MLXIP: variants seen among roughly 807,000 people sequenced by gnomAD.
The protein encoded by MLXIP is MLX interacting protein, also known as MLX-interacting protein.
MLXIP carries 30 observed loss-of-function variants against 87.2 expected under a neutral mutation model. That is an observed-to-expected ratio of 0.34 (90% confidence interval 0.26 to 0.47). The LOEUF is 0.47. Among genes scored for constraint, MLXIP ranks in the 20% least tolerant of loss-of-function variants. MLXIP has a pLI of 1.00. For missense variants in MLXIP, 1,002 were observed against 1,240.1 expected (o/e 0.81, Z 2.88); for synonymous variants, 530 against 514.0 (o/e 1.03, Z -0.42).
Position 122,137,289 on chromosome 12 carries a change from T to G in MLXIP, c.2033-180T>G. 1 of 588,754 alleles carries G rather than the reference T, an allele frequency of 1.7e-6. No individual in the cohort carries two copies. Among genetic ancestry groups the G allele is most frequent in the Non-Finnish European group, 2.7e-6 (1 of 365,178 alleles). The allele number at this position is 588,754 out of a possible 1,614,324, so 36.5% of individuals were successfully genotyped here. On this transcript the variant is annotated intron_variant, in intron 11 of 16. Transcript: ENST00000319080. This position sits in a 1 kb window ranked among gnomAD's most constrained non-coding sequence, Gnocchi z 4.1. ...GGGTGTTTTTGTTGTTGTTATTAATTTAAGATTTTCAGGGAGTGAATAAGA... is the reference window on the plus strand; with the variant it reads ...GGGTGTTTTTGTTGTTGTTATTAATGTAAGATTTTCAGGGAGTGAATAAGA...
intron 1 of MLXIP, among the ~76,000 whole-genome samples, chr12:122,083,914 A>T (rs1242908644): frequency 1.3e-5 from 2 of 152,220 alleles, no homozygotes; most frequent in South Asian, 2.1e-4. Flanking sequence ...CATACGGAAG[A>T]TAAGCAGTGT....
At position 122,129,576 on chromosome 12, in the gene MLXIP, C is replaced by G. The variant is rs1204360933; in HGVS notation, c.697-12C>G. On this transcript the variant is annotated splice_polypyrimidine_tract_variant and intron_variant, in intron 4 of 16. Transcript: ENST00000319080. ...CATTGGTGACCGCCGTGTCCTGTCC[C>G]TTTGCCCACAGCTACAGCAGCACAA... is the stretch of plus-strand genomic sequence containing the variant. 2 of 1,613,448 alleles carry G rather than the reference C, an allele frequency of 1.2e-6. No homozygotes were observed. Among genetic ancestry groups the G allele is most frequent in the East Asian group, 4.5e-5 (2 of 44,876 alleles).
chr12:122,085,910 G>C (rs1487193611), intron 1 of MLXIP, among the ~76,000 whole-genome samples: 1 of 152,186 alleles, frequency 6.6e-6, no homozygotes, highest in African/African-American at 2.4e-5. Context: ...TAAGGTTACA[G>C]ATGGAATCAA....
At chr12:122,079,302 G>A (rs1390726795) in intron 1 of MLXIP, 36 bp downstream of exon 1, 1 of 1,535,302 alleles carries the variant, frequency 6.5e-7, no homozygotes, top group Non-Finnish European at 8.8e-7. Context: ...GCCCCGGCCG[G>A]AGGCCCTTGT....
intron 15 of MLXIP, 167 bp downstream of exon 15, chr12:122,139,105 C>A: frequency 1.5e-6 from 1 of 678,406 alleles, no homozygotes; most frequent in Non-Finnish European, 1.8e-6. Context: ...TCCGGCCTGG[C>A]CTGCTGTGTG....
At chr12:122,111,084 A>AG (rs1952600638) in intron 1 of MLXIP, among the ~76,000 whole-genome samples, 1 of 151,800 alleles carries the variant, frequency 6.6e-6, no homozygotes, top group South Asian at 2.1e-4. Flanking sequence ...CTCAAAAAAA[A>AG]AAAAAAAAAA....
At chr12:122,086,042 C>A (rs1262870160) in intron 1 of MLXIP, among the ~76,000 whole-genome samples, 1 of 152,090 alleles carries the variant, frequency 6.6e-6, no homozygotes, top group African/African-American at 2.4e-5. Flanking sequence ...GAGTGAGCAG[C>A]AGAGGAAGGA....
At chr12:122,111,478 T>C (rs1417579327) in intron 1 of MLXIP, among the ~76,000 whole-genome samples, 1 of 152,210 alleles carries the variant, frequency 6.6e-6, no homozygotes, top group African/African-American at 2.4e-5. Context: ...CTGAATTACC[T>C]TTTTATGAAG....
intron 1 of MLXIP, among the ~76,000 whole-genome samples, chr12:122,081,455 T>C (rs1050257881): frequency 2.0e-5 from 3 of 152,130 alleles, no homozygotes; most frequent in Non-Finnish European, 2.9e-5. Flanking sequence ...AGAAAGAAAC[T>C]AGAGGAAGGT....
chr12:122,104,794 ATGGTCT>A (rs1952495174), intron 1 of MLXIP, among the ~76,000 whole-genome samples: 1 of 151,830 alleles, frequency 6.6e-6, no homozygotes, highest in East Asian at 1.9e-4. Context: ...TTTAGCCAGG[ATGGTCT>A]TGATCTCCTG....
chr12:122,132,513 A>G (rs1952999397), intron 8 of MLXIP, 130 bp downstream of exon 8: 1 of 706,354 alleles, frequency 1.4e-6, no homozygotes, highest in African/African-American at 1.8e-5. Flanking sequence ...GCAGTGCTAG[A>G]CCAGCACTAA....
At chr12:122,139,005 C>T in intron 15 of MLXIP, 67 bp downstream of exon 15, 1 of 1,591,890 alleles carries the variant, frequency 6.3e-7, no homozygotes, top group Non-Finnish European at 8.6e-7. Context: ...CAGACCGTGG[C>T]ACTGTAGTTA....
chr12:122,078,934 C>T lies in MLXIP; in HGVS notation c.81C>T (p.Ser27=), dbSNP rs1593049689. ...GRQVLLKPQV[S]EDDDDSDTDE... The stretch of plus-strand genomic sequence containing the variant: ...AGGTGCTGCTCAAGCCCCAGGTGTC[C>T]GAGGACGACGACGACTCGGACACGG... Residue 27 remains serine, a synonymous_variant, in exon 1 of 17, where the codon TCC becomes TCT. Coordinates refer to ENST00000319080, the MANE Select transcript of MLXIP (RefSeq NM_014938.6). 1 of 1,122,496 alleles carries T rather than the reference C, an allele frequency of 8.9e-7. No homozygotes were observed. The highest frequency in any genetic ancestry group is 1.1e-6 in the Non-Finnish European group (1 of 912,912). 69.5% of individuals were successfully genotyped at this position (1,122,496 alleles called of 1,614,324 possible).
chr12:122,129,667 A>ACATGAGAC (rs1952940336), intron 5 of MLXIP, 38 bp downstream of exon 5: 1 of 1,608,258 alleles, frequency 6.2e-7, no homozygotes, highest in South Asian at 1.1e-5. Context: ...CCCCACTTTG[A>ACATGAGAC]CATGAGACAG....
At chr12:122,130,215 C>T (rs1285592485) in intron 6 of MLXIP, 103 bp downstream of exon 6, 2 of 1,215,198 alleles carry the variant, frequency 1.6e-6, no homozygotes, top group Admixed American at 2.4e-5. Context: ...TGAGCTGCTG[C>T]ACGTCACGGT....
chr12:122,110,247 G>A (rs1952583303), intron 1 of MLXIP, among the ~76,000 whole-genome samples: 1 of 152,116 alleles, frequency 6.6e-6, no homozygotes, highest in South Asian at 2.1e-4. Context: ...GAGGTCAGGA[G>A]TTCGAGATCA....
At chr12:122,085,689 G>A (rs1265016670) in intron 1 of MLXIP, among the ~76,000 whole-genome samples, 8 of 152,124 alleles carry the variant, frequency 5.3e-5, no homozygotes, top group Non-Finnish European at 1.2e-4. Context: ...TTTATCTTGA[G>A]CTCTGCAGAG....
At chr12:122,117,249 G>A (rs1952706154) in intron 1 of MLXIP, among the ~76,000 whole-genome samples, 1 of 152,226 alleles carries the variant, frequency 6.6e-6, no homozygotes, top group Non-Finnish European at 1.5e-5. Context: ...CCACGAGGAG[G>A]ATGGAGCAGG....
rs893492596 is a variant in MLXIP, at chr12:122,093,282, G to C, written c.413+14016G>C. Among the ~76,000 whole-genome samples, 42 of 148,146 alleles carry C rather than the reference G, an allele frequency of 2.8e-4. 1 individual carries two copies. The highest frequency in any genetic ancestry group is 9.5e-4 in the African/African-American group (38 of 40,012). ...GTGNGGGTGTGGGGTGTGCATTTGTGCTGTCTGTATGTAGTGTGTGTGTGG... is the reference window on the plus strand; with the variant it reads ...GTGNGGGTGTGGGGTGTGCATTTGTCCTGTCTGTATGTAGTGTGTGTGTGG... On this transcript the variant is annotated intron_variant, in intron 1 of 16. Coordinates refer to ENST00000319080, the MANE Select transcript of MLXIP (RefSeq NM_014938.6).
Sources: gnomAD v4.1 joint callset for allele counts (sites outside exome capture counted in the v4.1 genomes callset) on GRCh38, gnomAD v4.1.1 for gene constraint, Gnocchi (gnomAD v3.1) non-coding constraint, MANE v1.5 for transcripts, NCBI Gene and HGNC (gene_info 2026-07-23, HGNC 2026-07-21) for gene names.